The following PRUNE2 variants were observed in gnomAD, a reference collection of about 807,000 sequenced individuals.
PRUNE2 encodes the protein protein prune homolog 2.
PRUNE2 carries 164 observed loss-of-function variants against 252.0 expected under a neutral mutation model. The ratio of observed to expected loss-of-function variants is 0.65; its 90% CI spans 0.57 to 0.74. The LOEUF (loss-of-function observed/expected upper bound fraction) is 0.74. Among genes scored for constraint, PRUNE2 ranks in the 30% least tolerant of loss-of-function variants. The pLI is 0.00. For synonymous variants in PRUNE2, 1,292 were observed against 1,350.2 expected (o/e 0.96, Z 0.94); for missense variants, 3,495 against 3,711.0 (o/e 0.94, Z 1.51).
intron 12 of PRUNE2, among the ~76,000 whole-genome samples, chr9:76,642,958 A>G (rs1027177735): frequency 6.6e-6 from 1 of 152,216 alleles, no homozygotes; most frequent in African/African-American, 2.4e-5. Context: ...ACAGTCACAC[A>G]GACAAAAACT....
rs2063408774 is a variant in PRUNE2, at chr9:76,905,165, T to C, written c.36+763A>G. ...CTGCTGTGCTGGAGAGCCAAAACAG[T>C]TTGGAATTAAGAAACTGCTAGAGTC... On this transcript the variant is annotated intron_variant, in intron 1 of 18. Transcript: ENST00000376718. Among the ~76,000 whole-genome samples the C allele has an allele frequency of 2.0e-5, 3 of 151,974 alleles. No individual in the cohort carries two copies. The South Asian group carries it at 6.2e-4, about 32-fold the overall frequency.
Position 76,625,350 on chromosome 9 carries a change from T to C in PRUNE2, c.9150-860A>G, listed in dbSNP as rs115180328. Among the ~76,000 whole-genome samples, 836 of 152,314 alleles carry C rather than the reference T, an allele frequency of 5.5e-3. 6 individuals are homozygous for C. The highest frequency in any genetic ancestry group is 0.019 in the African/African-American group (797 of 41,562). ...TACAGTAACATGCTGTACAGGTGTG[T>C]AGCCTAGGAGCAACAGGTTATAGCA... On this transcript the variant is annotated intron_variant, in intron 16 of 18. Coordinates refer to ENST00000376718, the MANE Select transcript of PRUNE2 (RefSeq NM_015225.3).
At chr9:76,714,778 CAT>C (rs958024326) in intron 6 of PRUNE2, among the ~76,000 whole-genome samples, 13 of 152,326 alleles carry the variant, frequency 8.5e-5, no homozygotes, top group African/African-American at 2.6e-4. Flanking sequence ...CAGTGAAGAA[CAT>C]ATGCTAGCCC....
intron 6 of PRUNE2, among the ~76,000 whole-genome samples, chr9:76,722,380 T>C (rs2047725424): frequency 6.6e-6 from 1 of 152,072 alleles, no homozygotes; most frequent in Non-Finnish European, 1.5e-5. Context: ...TACACTCTAT[T>C]GTTCTTGTTT....
At chr9:76,836,858 A>G (rs962241003) in intron 4 of PRUNE2, among the ~76,000 whole-genome samples, 2 of 152,184 alleles carry the variant, frequency 1.3e-5, no homozygotes, top group African/African-American at 4.8e-5. Flanking sequence ...AGAAAAACAC[A>G]AGCACGTTAT....
chr9:76,757,935 C>A (rs538156579), intron 6 of PRUNE2, among the ~76,000 whole-genome samples: 19 of 152,290 alleles, frequency 1.2e-4, no homozygotes, highest in African/African-American at 4.6e-4. Context: ...ACTTCAGAAA[C>A]ATGCATACTA....
chr9:76,647,186 A>G (rs1279359435), intron 11 of PRUNE2, among the ~76,000 whole-genome samples: 1 of 152,204 alleles, frequency 6.6e-6, no homozygotes, highest in East Asian at 1.9e-4. Context: ...AAAAAACAAA[A>G]ATTGTATACT....
rs778544473 is a variant in PRUNE2, at chr9:76,709,689, G to A, written c.2585C>T (p.Pro862Leu). The A allele has an allele frequency of 6.2e-7, 1 of 1,613,944 alleles. No homozygotes were observed. The highest frequency in any genetic ancestry group is 1.1e-5 in the South Asian group (1 of 91,086). Residue 862 changes from proline (P) to leucine (L), a missense_variant, in exon 8 of 19, where the codon CCA (proline) becomes CTA (leucine). Transcript: ENST00000376718. ...ATTGTTTTTCTTGCCCCAGATTTCTGGAGCTGCTTCATTGTTTATCTCACT... is the reference window on the plus strand; with the variant it reads ...ATTGTTTTTCTTGCCCCAGATTTCTAGAGCTGCTTCATTGTTTATCTCACT... ...SPSEINNEAA[P>L]EIWGKKNNDS...
At chr9:76,631,042 C>T (rs1164951074) in intron 15 of PRUNE2, among the ~76,000 whole-genome samples, 4 of 152,164 alleles carry the variant, frequency 2.6e-5, no homozygotes, top group Non-Finnish European at 5.9e-5. Flanking sequence ...TAATACTTTA[C>T]TTGCAATTTT....
At chr9:76,682,603 A>G (rs1460881177) in intron 9 of PRUNE2, among the ~76,000 whole-genome samples, 1 of 152,158 alleles carries the variant, frequency 6.6e-6, no homozygotes, top group African/African-American at 2.4e-5. Context: ...TCCTGACCTC[A>G]GGTGATCTGC....
At chr9:76,615,651 G>C (rs1318488694) in intron 18 of PRUNE2, among the ~76,000 whole-genome samples, 1 of 151,922 alleles carries the variant, frequency 6.6e-6, no homozygotes, top group East Asian at 1.9e-4. Flanking sequence ...TTCACAGCTT[G>C]CTAATGAATA....
In PRUNE2 at chr9:76,703,404, G is replaced by A. The variant is rs199684342; in HGVS notation, c.8209C>T (p.Pro2737Ser). The A allele has an allele frequency of 7.7e-4, 1,237 of 1,613,192 alleles. No homozygotes were observed. Among genetic ancestry groups the A allele is most frequent in the Non-Finnish European group, 9.4e-4 (1,113 of 1,179,572 alleles). ...GTCTCCTCCTCCATTTCCGTGTCAG[G>A]GATCATGTTTTTCTGAACAGGCTGT... ...SPQPVQKNMI[P>S]DTEMEEETEF... The change falls in exon 9 of 19, where the codon CCT (proline) becomes TCT (serine). Residue 2737 changes from proline to serine, a missense_variant. Physicochemically the swap from Pro to Ser is moderately conservative, Grantham distance 74. Coordinates refer to ENST00000376718, the MANE Select transcript of PRUNE2 (RefSeq NM_015225.3).
chr9:76,866,859 G>A (rs2060873842), intron 1 of PRUNE2, among the ~76,000 whole-genome samples: 3 of 151,966 alleles, frequency 2.0e-5, no homozygotes, highest in South Asian at 4.2e-4. Context: ...GAGAGGGAGC[G>A]GATGGTCAGA....
chr9:76,719,666 G>C (rs2047457347), intron 6 of PRUNE2, among the ~76,000 whole-genome samples: 1 of 150,022 alleles, frequency 6.7e-6, no homozygotes, highest in Non-Finnish European at 1.5e-5. Flanking sequence ...TTTTTTTTCA[G>C]AGTTGGGGTC....
intron 6 of PRUNE2, among the ~76,000 whole-genome samples, chr9:76,721,408 T>A (rs2047636621): frequency 6.6e-6 from 1 of 152,228 alleles, no homozygotes; most frequent in Non-Finnish European, 1.5e-5. Flanking sequence ...AGTGTTGTCT[T>A]CCTCACAAAT....
intron 6 of PRUNE2, among the ~76,000 whole-genome samples, chr9:76,797,258 AT>A (rs934436546): frequency 3.3e-5 from 5 of 152,226 alleles, no homozygotes; most frequent in African/African-American, 1.2e-4. Flanking sequence ...TTGAAAAAAA[AT>A]ATTTCTATAG....
In PRUNE2 at chr9:76,869,486, T is replaced by C. The variant is rs1326517491; in HGVS notation, c.37-15278A>G. Among the ~76,000 whole-genome samples the C allele has an allele frequency of 2.0e-5, 3 of 152,340 alleles. No homozygotes were observed. The East Asian group carries it at 5.8e-4, about 29-fold the overall frequency. On this transcript the variant is annotated intron_variant, in intron 1 of 18. Transcript: ENST00000376718. ...CTTTCTCTCTCTCTCTCTTTCAAAA[T>C]ATTTTGCAAAATAGAAAACCCTTTT...
chr9:76,904,315 G>C (rs1444809152), intron 1 of PRUNE2, among the ~76,000 whole-genome samples: 1 of 152,036 alleles, frequency 6.6e-6, no homozygotes, highest in East Asian at 1.9e-4. Flanking sequence ...TCATTACTCG[G>C]AAATAGGGAA....
intron 4 of PRUNE2, among the ~76,000 whole-genome samples, chr9:76,836,076 C>T (rs975028158): frequency 6.6e-6 from 1 of 151,938 alleles, no homozygotes; most frequent in African/African-American, 2.4e-5. Flanking sequence ...GTGGCTGAAA[C>T]CTCATTGCCA....
Sources: gnomAD v4.1 joint callset for allele counts (sites outside exome capture counted in the v4.1 genomes callset) on GRCh38, gnomAD v4.1.1 for gene constraint, MANE v1.5 for transcripts, NCBI Gene and HGNC (gene_info 2026-07-23, HGNC 2026-07-21) for gene names.